Variants in SMARCC1 observed in about 807,000 individuals in gnomAD.
SMARCC1 encodes SWI/SNF complex subunit SMARCC1.
In SMARCC1, 43 loss-of-function variants were observed where a neutral mutation model predicts 147.4. That is an observed-to-expected ratio of 0.29 (90% confidence interval 0.23 to 0.38). SMARCC1 has a LOEUF of 0.38. SMARCC1 is among the 10% of genes least tolerant of loss of function. The pLI, the probability that SMARCC1 is intolerant of heterozygous loss-of-function variation, is 1.00. For synonymous variants in SMARCC1, 495 were observed against 484.4 expected, an observed-to-expected ratio of 1.02 and a Z score of -0.29; for missense variants, 1,119 against 1,381.1, an observed-to-expected ratio of 0.81 and a Z score of 3.01.
chr3:47,743,852 G>C (rs2034537055), intron 3 of SMARCC1, among the ~76,000 whole-genome samples: 1 of 151,074 alleles, frequency 6.6e-6, no homozygotes, highest in Non-Finnish European at 1.5e-5. Context: ...AGAAACTACA[G>C]ACACAAAGCA....
rs187708301 is a variant in SMARCC1, at chr3:47,726,885, A to G, written c.646+2140T>C. Among the ~76,000 whole-genome samples, 5 of 152,076 alleles carry G rather than the reference A, an allele frequency of 3.3e-5. No individual in the cohort carries two copies. The East Asian group carries it at 9.7e-4, about 29-fold the overall frequency. ...CTCCATGTTATTAGCATGTGTTAAA[A>G]TTTCCTTTTTTTTTCAAGGCTGAAT... On this transcript the variant is annotated intron_variant, in intron 6 of 27. Transcript: ENST00000254480.
intron 25 of SMARCC1, 99 bp downstream of exon 25, chr3:47,622,108 C>A: frequency 9.3e-7 from 1 of 1,073,416 alleles, no homozygotes; most frequent in Non-Finnish European, 1.4e-6. Flanking sequence ...GCCATGGAGA[C>A]CAAGAGAACA....
intron 21 of SMARCC1, 108 bp downstream of exon 21, chr3:47,661,186 C>T (rs777621135): frequency 6.4e-5 from 59 of 917,256 alleles, no homozygotes; most frequent in South Asian, 2.0e-4. Context: ...CAAGTTTATA[C>T]TGATCATTGT....
intron 6 of SMARCC1, among the ~76,000 whole-genome samples, chr3:47,726,081 A>AAAAAAAAAAAAAAAAG: frequency 1.3e-5 from 2 of 148,776 alleles, no homozygotes; most frequent in African/African-American, 2.5e-5. Context: ...AAAAAAAAAA[A>AAAAAAAAAAAAAAAAG]GGTGAATTTC....
In SMARCC1 at chr3:47,635,183, G is replaced by C. The variant is rs763789843; in HGVS notation, c.2646+7C>G. ...AGAGCACTGGAAAAGGGCTGTCAGG[G>C]GCAAACCTTGGCTTTGGTAGCCGCT... On this transcript the variant is annotated splice_region_variant and intron_variant, in intron 24 of 27. Coordinates refer to ENST00000254480, the MANE Select transcript of SMARCC1 (RefSeq NM_003074.4). 2 of 1,613,152 alleles carry C rather than the reference G, an allele frequency of 1.2e-6. No individual in the cohort carries two copies.
In SMARCC1 at chr3:47,751,026, T is replaced by C. The variant is rs578201054; in HGVS notation, c.316-5033A>G. 4.0e-5 allele frequency among the ~76,000 whole-genome samples: 6 copies of C among 151,674 alleles called. No individual in the cohort carries two copies. In the South Asian group the frequency reaches 1.3e-3, roughly 32 times the overall value. The stretch of plus-strand genomic sequence containing the variant: ...GACTGTCCTGCCTCAGCCTCCTGAG[T>C]AGCTGGGATTACAGACACGTGCCAC... On this transcript the variant is annotated intron_variant, in intron 2 of 27. Coordinates refer to ENST00000254480, the MANE Select transcript of SMARCC1 (RefSeq NM_003074.4).
chr3:47,750,899 A>AT (rs113564707), intron 2 of SMARCC1, among the ~76,000 whole-genome samples: 86 of 144,472 alleles, frequency 6.0e-4, no homozygotes, highest in Middle Eastern at 3.5e-3. Context: ...AGACAAAGTA[A>AT]TTTTTTTTTT....
chr3:47,778,361 T>C (rs1445338688), intron 1 of SMARCC1, among the ~76,000 whole-genome samples: 2 of 151,952 alleles, frequency 1.3e-5, no homozygotes, highest in Non-Finnish European at 2.9e-5. Context: ...CAGGCTGGAG[T>C]GCAATGGTGC....
intron 2 of SMARCC1, among the ~76,000 whole-genome samples, chr3:47,753,374 T>A (rs986656820): frequency 6.7e-6 from 1 of 148,764 alleles, no homozygotes; most frequent in African/African-American, 2.5e-5. Flanking sequence ...ACTACAATAA[T>A]TTGTGCCATG....
chr3:47,728,078 CTTTT>C (rs1166964500), intron 6 of SMARCC1, among the ~76,000 whole-genome samples: 4 of 56,860 alleles, frequency 7.0e-5, no homozygotes, highest in South Asian at 8.1e-4. Context: ...TTATTAGTCC[CTTTT>C]TTTTTTTTTT....
rs756985617 is a variant in SMARCC1, at chr3:47,686,115, T to A, written c.1319A>T (p.Asp440Val). The change falls in exon 14 of 28, where the codon GAT (aspartate) becomes GTT (valine). Residue 440 changes from aspartate (D) to valine (V), a missense_variant. Coordinates refer to ENST00000254480, the MANE Select transcript of SMARCC1 (RefSeq NM_003074.4). ...DQSRSVDLGE[D>V]NVTEQTNHII... The stretch of plus-strand genomic sequence containing the variant: ...GTGATTGGTCTGCTCTGTCACATTA[T>A]CTTCCCCAAGGTCAACTGATCGACT... The A allele has an allele frequency of 6.2e-7, 1 of 1,612,584 alleles. No homozygotes were observed. Among genetic ancestry groups the A allele is most frequent in the Non-Finnish European group, 8.5e-7 (1 of 1,178,634 alleles).
At chr3:47,595,988 C>T (rs1362652769) in intron 26 of SMARCC1, among the ~76,000 whole-genome samples, 1 of 151,530 alleles carries the variant, frequency 6.6e-6, no homozygotes. Flanking sequence ...CTGCTTTGGC[C>T]TCCCAAAGTG....
chr3:47,598,894 C>CAAAGACAG (rs1418858522), intron 26 of SMARCC1, among the ~76,000 whole-genome samples: 1 of 133,952 alleles, frequency 7.5e-6, no homozygotes, highest in African/African-American at 2.9e-5. Context: ...CACACAGAGA[C>CAAAGACAG]AAAGACAGAG....
At chr3:47,703,617 A>T (rs2033953264) in intron 10 of SMARCC1, among the ~76,000 whole-genome samples, 1 of 152,182 alleles carries the variant, frequency 6.6e-6, no homozygotes, top group Non-Finnish European at 1.5e-5. Flanking sequence ...AGCAATCTAA[A>T]CTGCACTGTG....
At chr3:47,714,595 C>T in intron 7 of SMARCC1, 105 bp from the exon 8 acceptor site, 1 of 640,412 alleles carries the variant, frequency 1.6e-6, no homozygotes, top group Non-Finnish European at 2.7e-6. Flanking sequence ...TACTAAAATC[C>T]CAGCCTGGTC....
At position 47,635,371 on chromosome 3, in the gene SMARCC1, T is replaced by C. The variant is rs62262088; in HGVS notation, c.2492-27A>G. 15,737 of 1,603,320 alleles carry C rather than the reference T, an allele frequency of 9.8e-3. 102 individuals are homozygous for C. Among genetic ancestry groups the C allele is most frequent in the Non-Finnish European group, 0.012 (14,234 of 1,177,776 alleles). On this transcript the variant is annotated intron_variant, in intron 23 of 27. Coordinates refer to ENST00000254480, the MANE Select transcript of SMARCC1 (RefSeq NM_003074.4). Reference sequence around the variant, plus strand: ...TGAAAATATCAGAAAGCTTTGTTACTAGCGTGCCCACTCTCGAAAACCCAT... The same window carrying C: ...TGAAAATATCAGAAAGCTTTGTTACCAGCGTGCCCACTCTCGAAAACCCAT...
In SMARCC1 at chr3:47,604,890, G is replaced by A. The variant is rs190540342; in HGVS notation, c.3043+5176C>T. On this transcript the variant is annotated intron_variant, in intron 26 of 27. Transcript: ENST00000254480. ...ATTTTCCTATTTTTAGTAGAGATGG[G>A]CTTTTGCCATGTTGGCCAGGCACTG... Among the ~76,000 whole-genome samples the A allele has an allele frequency of 3.3e-3, 496 of 152,190 alleles. 1 individual carries two copies. The highest frequency in any genetic ancestry group is 0.011 in the African/African-American group (452 of 41,544).
intron 24 of SMARCC1, among the ~76,000 whole-genome samples, chr3:47,631,346 A>C (rs2032887888): frequency 6.6e-6 from 1 of 152,190 alleles, no homozygotes; most frequent in South Asian, 2.1e-4. Context: ...AATTCAAAGG[A>C]AATATCTGTG....
rs1161645941 is a variant in SMARCC1 at position 47,610,323 on chromosome 3, T to C, written c.2786A>G (p.Glu929Gly). The change falls in exon 26 of 28, where the codon GAA (glutamate) becomes GGA (glycine). Residue 929 changes from glutamate (E) to glycine (G), a missense_variant. Glu to Gly is a moderately conservative substitution (Grantham distance 98, BLOSUM62 -2). Coordinates refer to ENST00000254480, the MANE Select transcript of SMARCC1 (RefSeq NM_003074.4). ...AGTAAGCAACTGCTGCCTCTGTTGTTCTAGCTGTAAGCAAAGGAAGTGGAA... is the reference window on the plus strand; with the variant it reads ...AGTAAGCAACTGCTGCCTCTGTTGTCCTAGCTGTAAGCAAAGGAAGTGGAA... ...TIMDREKEAL[E>G]QQRQQLLTER... The C allele has an allele frequency of 6.2e-7, 1 of 1,614,096 alleles. No homozygotes were observed. The highest frequency in any genetic ancestry group is 8.5e-7 in the Non-Finnish European group (1 of 1,180,044).
Sources: allele counts gnomAD v4.1 joint callset (sites outside exome capture counted in the v4.1 genomes callset), GRCh38; gene constraint gnomAD v4.1.1; transcripts MANE v1.5; gene names NCBI Gene and HGNC (gene_info 2026-07-23, HGNC 2026-07-21).